Variants in MARCHF11 observed in about 807,000 individuals in gnomAD.
MARCHF11 encodes E3 ubiquitin-protein ligase MARCHF11.
Under a neutral mutation model 37.3 loss-of-function variants are expected in MARCHF11, and 29 were observed. The observed-to-expected ratio is 0.78, with a 90% CI of 0.58 to 1.06. The LOEUF (loss-of-function observed/expected upper bound fraction) is 1.06, where lower values mean the gene tolerates loss of function less well. Ranked by LOEUF, MARCHF11 falls within the 50% of genes least tolerant of loss-of-function variation. The pLI is 0.00. For missense variants in MARCHF11, 482 were observed against 533.4 expected (o/e 0.90, Z 0.95); for synonymous variants, 233 against 228.0 (o/e 1.02, Z -0.20).
Position 16,067,577 on chromosome 5 carries a change from T to G in MARCHF11, c.1103A>C (p.Gln368Pro), listed in dbSNP as rs761281018. 2.5e-6 allele frequency: 4 copies of G among 1,613,874 alleles called. No individual in the cohort carries two copies. The highest frequency in any genetic ancestry group is 3.4e-6 in the Non-Finnish European group (4 of 1,179,868). ...HPTQLTSPRFQCGYVLLHLFN... is the reference protein window; with the variant it reads ...HPTQLTSPRFPCGYVLLHLFN... ...CAGGTGCAATAACACATAGCCACAC[T>G]GAAACCTTGGTGAGGTTAACTGAGT... Residue 368 changes from glutamine to proline, a missense_variant, in exon 4 of 4, where the codon CAG (glutamine) becomes CCG (proline). Gln to Pro is a moderately conservative substitution (Grantham distance 76). Coordinates refer to ENST00000332432, the MANE Select transcript of MARCHF11 (RefSeq NM_001102562.3).
At chr5:16,081,898 G>A (rs1736615772) in intron 3 of MARCHF11, among the ~76,000 whole-genome samples, 1 of 152,110 alleles carries the variant, frequency 6.6e-6, no homozygotes, top group Non-Finnish European at 1.5e-5. Context: ...AGCACTAAGG[G>A]GCAAGCAGCA....
chr5:16,107,969 C>G (rs936366548), intron 2 of MARCHF11, among the ~76,000 whole-genome samples: 4 of 152,162 alleles, frequency 2.6e-5, no homozygotes, highest in Non-Finnish European at 5.9e-5. Flanking sequence ...AGTAAAACCC[C>G]CACATACATC....
Position 16,067,746 on chromosome 5 carries a change from A to G in MARCHF11, c.934T>C (p.Trp312Arg), listed in dbSNP as rs768423116. Residue 312 changes from tryptophan (W) to arginine (R), a missense_variant, in exon 4 of 4, where the codon TGG (tryptophan) becomes CGG (arginine). Physicochemically the swap from Trp to Arg is moderately radical, Grantham distance 101. Coordinates refer to ENST00000332432, the MANE Select transcript of MARCHF11 (RefSeq NM_001102562.3). ...GAAVYRVFKR[W>R]RAVNLHWDVL... ...TCCCAGTGCAAATTCACAGCTCGCCAGCGCTTAAACACTCTGTAAACTGCA... is the reference window on the plus strand; with the variant it reads ...TCCCAGTGCAAATTCACAGCTCGCCGGCGCTTAAACACTCTGTAAACTGCA... The G allele has an allele frequency of 4.3e-6, 7 of 1,613,872 alleles. No individual in the cohort carries two copies. The highest frequency in any genetic ancestry group is 5.9e-6 in the Non-Finnish European group (7 of 1,179,842).
chr5:16,141,390 C>G (rs1444728443), intron 2 of MARCHF11: 1 of 152,188 alleles, frequency 6.6e-6, no homozygotes, highest in East Asian at 1.9e-4. Flanking sequence ...AGCACAAATC[C>G]TCTTCAGCAG....
At chr5:16,129,080 C>G (rs1007631386) in intron 2 of MARCHF11, 1 of 152,198 alleles carries the variant, frequency 6.6e-6, no homozygotes, top group African/African-American at 2.4e-5. Context: ...GACAAGCTTA[C>G]TGCTTGAGTG....
chr5:16,171,041 G>C (rs1249026206), intron 2 of MARCHF11, among the ~76,000 whole-genome samples: 1 of 152,062 alleles, frequency 6.6e-6, no homozygotes, highest in Non-Finnish European at 1.5e-5. Flanking sequence ...CCAAGAAACT[G>C]TTTCAAAGAA....
intron 2 of MARCHF11, among the ~76,000 whole-genome samples, chr5:16,100,159 G>A (rs1736931681): frequency 6.6e-6 from 1 of 152,110 alleles, no homozygotes; most frequent in South Asian, 2.1e-4. Context: ...CAAAGGAGGA[G>A]AGAAATTTTC....
intron 2 of MARCHF11, among the ~76,000 whole-genome samples, chr5:16,147,010 A>G (rs1737809510): frequency 6.6e-6 from 1 of 152,190 alleles, no homozygotes. Flanking sequence ...ATTTCAGTTT[A>G]CCAGGATGAA....
chr5:16,153,880 A>T (rs1737927435), intron 2 of MARCHF11, among the ~76,000 whole-genome samples: 1 of 151,958 alleles, frequency 6.6e-6, no homozygotes, highest in Admixed American at 6.6e-5. Context: ...AGACTTTTCT[A>T]GACATCTCTA....
intron 2 of MARCHF11, among the ~76,000 whole-genome samples, chr5:16,150,912 C>A (rs577266709): frequency 6.6e-6 from 1 of 151,998 alleles, no homozygotes; most frequent in East Asian, 1.9e-4. Flanking sequence ...GCTGTTCCTG[C>A]CTCTACACCC....
intron 2 of MARCHF11, among the ~76,000 whole-genome samples, chr5:16,136,137 ATAGTAGT>A (rs1284372038): frequency 6.6e-6 from 1 of 152,160 alleles, no homozygotes; most frequent in African/African-American, 2.4e-5. Context: ...GAAGAAAATG[ATAGTAGT>A]TAGAGAAGGA....
intron 2 of MARCHF11, among the ~76,000 whole-genome samples, chr5:16,112,026 C>G (rs932498257): frequency 2.6e-5 from 4 of 152,324 alleles, no homozygotes; most frequent in South Asian, 4.1e-4. Context: ...TCCACGTAGA[C>G]TTCAGAAGAT....
chr5:16,108,366 T>C (rs1339062895), intron 2 of MARCHF11, among the ~76,000 whole-genome samples: 3 of 152,224 alleles, frequency 2.0e-5, no homozygotes, highest in Non-Finnish European at 4.4e-5. Flanking sequence ...CTGTCGCATG[T>C]CCTGCGAGGG....
chr5:16,149,024 A>T (rs1737848873), intron 2 of MARCHF11, among the ~76,000 whole-genome samples: 1 of 152,144 alleles, frequency 6.6e-6, no homozygotes, highest in African/African-American at 2.4e-5. Context: ...ACAGGTTTTG[A>T]CTGGTCAATC....
chr5:16,095,706 TA>T (rs1213472704), intron 2 of MARCHF11, among the ~76,000 whole-genome samples: 1 of 152,182 alleles, frequency 6.6e-6, no homozygotes, highest in Admixed American at 6.5e-5. Flanking sequence ...CTTCCTCTCC[TA>T]AACAGGATTC....
At chr5:16,098,093 G>A (rs1397221163) in intron 2 of MARCHF11, among the ~76,000 whole-genome samples, 1 of 152,164 alleles carries the variant, frequency 6.6e-6, no homozygotes, top group African/African-American at 2.4e-5. Context: ...CCTCTCAGTA[G>A]ATGTGGTAAA....
chr5:16,106,394 T>C (rs1459145393), intron 2 of MARCHF11, among the ~76,000 whole-genome samples: 1 of 152,192 alleles, frequency 6.6e-6, no homozygotes, highest in Non-Finnish European at 1.5e-5. Context: ...AAAATATGAT[T>C]GTTCTTTGAC....
intron 2 of MARCHF11, among the ~76,000 whole-genome samples, chr5:16,125,083 A>T (rs1222456214): frequency 6.6e-6 from 1 of 151,492 alleles, no homozygotes; most frequent in Non-Finnish European, 1.5e-5. Flanking sequence ...CTTCGCAAGA[A>T]TATTTTTCAG....
chr5:16,081,499 C>T (rs958302060), intron 3 of MARCHF11, among the ~76,000 whole-genome samples: 1 of 152,180 alleles, frequency 6.6e-6, no homozygotes, highest in African/African-American at 2.4e-5. Flanking sequence ...TCTTAGATCC[C>T]GGGCTGTACA....
Sources: allele counts gnomAD v4.1 joint callset (sites outside exome capture counted in the v4.1 genomes callset), GRCh38; gene constraint gnomAD v4.1.1; transcripts MANE v1.5; gene names NCBI Gene and HGNC (gene_info 2026-07-23, HGNC 2026-07-21).